Variants in CUX2 observed in about 807,000 individuals in gnomAD.
CUX2 encodes homeobox protein cut-like 2.
A neutral mutation model predicts 144.8 loss-of-function variants in CUX2; 40 were observed. That is an observed-to-expected ratio of 0.28 (90% confidence interval 0.21 to 0.36). The LOEUF is 0.36. Ranked by LOEUF, CUX2 falls within the 10% of genes least tolerant of loss-of-function variation. The pLI, the probability that CUX2 is intolerant of heterozygous loss-of-function variation, is 1.00. For synonymous variants in CUX2, 827 were observed against 875.6 expected, an observed-to-expected ratio of 0.94 and a Z score of 0.98; for missense variants, 1,615 against 1,994.0, an observed-to-expected ratio of 0.81 and a Z score of 3.62.
intron 1 of CUX2, among the ~76,000 whole-genome samples, chr12:111,054,498 T>C (rs1320078279): frequency 6.6e-6 from 1 of 152,224 alleles, no homozygotes; most frequent in African/African-American, 2.4e-5. Flanking sequence ...GAAGAGCTTT[T>C]TAAATTTTTT....
intron 3 of CUX2, among the ~76,000 whole-genome samples, chr12:111,250,296 C>T (rs912572684): frequency 2.0e-5 from 3 of 152,108 alleles, no homozygotes; most frequent in African/African-American, 7.2e-5. Context: ...CCCCAAATTC[C>T]TTACCACACA....
chr12:111,241,114 C>T (rs2136259236), intron 3 of CUX2, among the ~76,000 whole-genome samples: 1 of 152,170 alleles, frequency 6.6e-6, no homozygotes, highest in South Asian at 2.1e-4. Flanking sequence ...CTGGTGAGGG[C>T]CACCTTCCTC....
intron 1 of CUX2, among the ~76,000 whole-genome samples, chr12:111,156,109 T>G (rs1440050937): frequency 6.6e-6 from 1 of 152,142 alleles, no homozygotes; most frequent in Non-Finnish European, 1.5e-5. Context: ...AGTTTAAGAC[T>G]TTAATAGTCG....
chr12:111,329,324 C>T (rs141316676), intron 18 of CUX2, among the ~76,000 whole-genome samples: 1 of 151,880 alleles, frequency 6.6e-6, no homozygotes, highest in Non-Finnish European at 1.5e-5. Flanking sequence ...TCCCTGTCGT[C>T]GCCTCCCTCT....
At chr12:111,337,232 G>A (rs1283109030) in intron 19 of CUX2, among the ~76,000 whole-genome samples, 3 of 151,538 alleles carry the variant, frequency 2.0e-5, no homozygotes, top group Non-Finnish European at 4.4e-5. Context: ...TTAAGCCTGT[G>A]CTCTCAGCTA....
At chr12:111,303,008 A>T (rs1886369581) in intron 9 of CUX2, among the ~76,000 whole-genome samples, 2 of 151,202 alleles carry the variant, frequency 1.3e-5, no homozygotes, top group South Asian at 4.2e-4. Flanking sequence ...GGTTACTTGA[A>T]CCCAGGAGTT....
chr12:111,325,456 A>C (rs1428445587), intron 18 of CUX2, among the ~76,000 whole-genome samples: 2 of 152,204 alleles, frequency 1.3e-5, no homozygotes, highest in African/African-American at 4.8e-5. Flanking sequence ...ATCCAGGGGC[A>C]TGGTAGTGCA....
chr12:111,079,562 A>C (rs937723554), intron 1 of CUX2, among the ~76,000 whole-genome samples: 5 of 152,150 alleles, frequency 3.3e-5, no homozygotes, highest in Admixed American at 1.3e-4. Context: ...GCTGTTGGTT[A>C]AGTTTGTAGA....
chr12:111,086,589 G>C (rs769430797), intron 1 of CUX2, among the ~76,000 whole-genome samples: 2 of 152,130 alleles, frequency 1.3e-5, no homozygotes, highest in Admixed American at 6.5e-5. Flanking sequence ...GAGGAAGAAG[G>C]CTCCTCTTTT....
At chr12:111,141,460 T>C (rs936849074) in intron 1 of CUX2, among the ~76,000 whole-genome samples, 6 of 152,214 alleles carry the variant, frequency 3.9e-5, no homozygotes, top group African/African-American at 1.4e-4. Context: ...TTGACATTTA[T>C]TGAGCACCTA....
At chr12:111,148,391 A>T (rs1346803260) in intron 1 of CUX2, among the ~76,000 whole-genome samples, 2 of 151,992 alleles carry the variant, frequency 1.3e-5, no homozygotes, top group African/African-American at 4.8e-5. Flanking sequence ...AAGAATGGAG[A>T]GTTCGTGTTT....
intron 3 of CUX2, among the ~76,000 whole-genome samples, chr12:111,230,169 GAGA>G (rs1882390790): frequency 7.0e-6 from 1 of 142,272 alleles, no homozygotes. Flanking sequence ...AAGAGAGACA[GAGA>G]AGGAGGGAGG....
intron 1 of CUX2, among the ~76,000 whole-genome samples, chr12:111,155,106 G>A (rs898526464): frequency 5.9e-5 from 9 of 152,144 alleles, no homozygotes; most frequent in Admixed American, 5.9e-4. Context: ...ATTGTCAGTG[G>A]GCCTGACTTC....
At chr12:111,176,494 C>T (rs1459251564) in intron 1 of CUX2, among the ~76,000 whole-genome samples, 1 of 152,158 alleles carries the variant, frequency 6.6e-6, no homozygotes, top group Non-Finnish European at 1.5e-5. Flanking sequence ...AGGATAACCA[C>T]AGTGCCCATG....
chr12:111,347,938 T>C lies in CUX2; in HGVS notation c.4074T>C (p.Cys1358=). 1 of 1,614,026 alleles carries C rather than the reference T, an allele frequency of 6.2e-7. No homozygotes were observed. The highest frequency in any genetic ancestry group is 8.5e-7 in the Non-Finnish European group (1 of 1,179,998). The change falls in exon 22 of 22, where the codon TGT becomes TGC. Residue 1358 remains cysteine (C), a synonymous_variant. Coordinates refer to ENST00000261726, the MANE Select transcript of CUX2 (RefSeq NM_015267.4). ...PLLPGGSTPD[C]PSLHPQQESE... ...TTCCAGGTGGATCCACCCCAGACTG[T>C]CCCTCACTTCATCCCCAACAGGAGA...
chr12:111,153,418 C>T (rs1393431974), intron 1 of CUX2, among the ~76,000 whole-genome samples: 1 of 152,142 alleles, frequency 6.6e-6, no homozygotes, highest in Non-Finnish European at 1.5e-5. Flanking sequence ...TGTTCTTACA[C>T]AAACCTAGAC....
rs976365295 is a variant in CUX2 at position 111,277,856 on chromosome 12, T to C, written c.302-13562T>C. 6.6e-6 allele frequency among the ~76,000 whole-genome samples: 1 copy of C among 152,166 alleles called. No homozygotes were observed. The highest frequency in any genetic ancestry group is 1.5e-5 in the Non-Finnish European group (1 of 68,040). On this transcript the variant is annotated intron_variant, in intron 4 of 21. Coordinates refer to ENST00000261726, the MANE Select transcript of CUX2 (RefSeq NM_015267.4). This position sits in a 1 kb window ranked among gnomAD's most constrained non-coding sequence, Gnocchi z 5.0. ...GGCTTAAAACAACACACGTTTATGA[T>C]CTCACCGTTCTGCAGAACAGAAGTC... is the stretch of plus-strand genomic sequence containing the variant.
chr12:111,236,550 G>A (rs1163858059), intron 3 of CUX2, among the ~76,000 whole-genome samples: 1 of 152,230 alleles, frequency 6.6e-6, no homozygotes, highest in Non-Finnish European at 1.5e-5. Context: ...GTCACATGGA[G>A]TGTCAGGTCC....
In CUX2 at chr12:111,320,451, C is replaced by G; in HGVS notation, c.2442C>G (p.Gly814=). 6.3e-7 allele frequency: 1 copy of G among 1,595,340 alleles called. No individual in the cohort carries two copies. The highest frequency in any genetic ancestry group is 1.3e-5 in the African/African-American group (1 of 74,874). ...SPSLSSSSSS[G]YSGQPNGRAW... ...CGCTGTCCTCCTCCTCCTCCTCTGG[C>G]TACTCTGGCCAGCCCAACGGCCGCG... Residue 814 remains glycine (G), a synonymous_variant, in exon 17 of 22, where the codon GGC becomes GGG. Transcript: ENST00000261726. This position sits in a 1 kb window ranked among gnomAD's most constrained non-coding sequence, Gnocchi z 8.1.
Sources: gnomAD v4.1 joint callset for allele counts (sites outside exome capture counted in the v4.1 genomes callset) on GRCh38, gnomAD v4.1.1 for gene constraint, Gnocchi (gnomAD v3.1) non-coding constraint, MANE v1.5 for transcripts, NCBI Gene and HGNC (gene_info 2026-07-23, HGNC 2026-07-21) for gene names.